Variants in SORCS2 observed in about 807,000 individuals in gnomAD.
SORCS2 encodes the protein VPS10 domain-containing receptor SorCS2.
In SORCS2, 100 loss-of-function variants were observed where a neutral mutation model predicts 141.6. The ratio of observed to expected loss-of-function variants is 0.71; its 90% CI spans 0.60 to 0.83. The LOEUF is 0.83. SORCS2 is among the 40% of genes least tolerant of loss of function. The pLI is 0.00. For synonymous variants in SORCS2, 789 were observed against 676.9 expected, an observed-to-expected ratio of 1.17 and a Z score of -2.57; for missense variants, 1,646 against 1,560.2, an observed-to-expected ratio of 1.05 and a Z score of -0.93.
intron 3 of SORCS2, among the ~76,000 whole-genome samples, chr4:7,559,085 C>T (rs1714342292): frequency 6.6e-6 from 1 of 152,214 alleles, no homozygotes; most frequent in South Asian, 2.1e-4. Flanking sequence ...GTCCCCAGTA[C>T]TCTGGCCCAG....
chr4:7,447,712 C>T (rs1433100805), intron 2 of SORCS2, among the ~76,000 whole-genome samples: 4 of 152,146 alleles, frequency 2.6e-5, no homozygotes, highest in African/African-American at 9.7e-5. Context: ...CGGGGCAGGA[C>T]CCCGAGGAGG....
intron 1 of SORCS2, among the ~76,000 whole-genome samples, chr4:7,383,012 A>T (rs997089601): frequency 6.6e-6 from 1 of 152,152 alleles, no homozygotes; most frequent in Non-Finnish European, 1.5e-5. Context: ...GCCATAAAAT[A>T]CACCTTCTGA....
intron 1 of SORCS2, among the ~76,000 whole-genome samples, chr4:7,252,504 T>C (rs1399542802): frequency 6.6e-6 from 1 of 152,272 alleles, no homozygotes; most frequent in Non-Finnish European, 1.5e-5. Context: ...TCATTGAACA[T>C]GTGTTACTTT....
chr4:7,212,380 A>G (rs1320977259), intron 1 of SORCS2, among the ~76,000 whole-genome samples: 1 of 152,198 alleles, frequency 6.6e-6, no homozygotes, highest in Non-Finnish European at 1.5e-5. Context: ...GTTAAGCAGG[A>G]CTTTGGTGGC....
intron 4 of SORCS2, among the ~76,000 whole-genome samples, chr4:7,641,894 A>ATGGGGATGGATGGG: frequency 7.1e-6 from 1 of 141,306 alleles, no homozygotes; most frequent in South Asian, 2.3e-4. Context: ...GGATGGATGG[A>ATGGGGATGGATGGG]TGGGTGGTTG....
At chr4:7,499,688 C>T (rs1014539503) in intron 2 of SORCS2, among the ~76,000 whole-genome samples, 2 of 140,128 alleles carry the variant, frequency 1.4e-5, no homozygotes, top group African/African-American at 6.5e-5. Context: ...CTGAGCCATG[C>T]CCCGGGAGAC....
intron 11 of SORCS2, among the ~76,000 whole-genome samples, chr4:7,694,305 C>G (rs1724456029): frequency 1.3e-5 from 2 of 152,100 alleles, no homozygotes; most frequent in South Asian, 4.2e-4. Flanking sequence ...CCCTCATCAC[C>G]TCCCTCCACC....
At chr4:7,721,531 A>G (rs1726591848) in intron 18 of SORCS2, among the ~76,000 whole-genome samples, 1 of 152,202 alleles carries the variant, frequency 6.6e-6, no homozygotes, top group Non-Finnish European at 1.5e-5. Flanking sequence ...TGCCGAGTGA[A>G]AAAAGCCACT....
At chr4:7,683,281 CGGCTCTGCTGACCTTGGCTGGGCTCAGCT>C (rs1723653858) in intron 10 of SORCS2, among the ~76,000 whole-genome samples, 6 of 69,042 alleles carry the variant, frequency 8.7e-5, no homozygotes, top group Non-Finnish European at 1.6e-4. Flanking sequence ...CTCAGCTGAG[CGGCTCTGCTGACCTTGGCTGGGCTCAGCT>C]GAGTGGCTCT....
chr4:7,576,661 G>C (rs1715772038), intron 3 of SORCS2, among the ~76,000 whole-genome samples: 1 of 152,218 alleles, frequency 6.6e-6, no homozygotes. Flanking sequence ...AGGTGTGGAC[G>C]TGGAGAGGTG....
At position 7,733,323 on chromosome 4, in the gene SORCS2, G is replaced by A. The variant is rs1336020468; in HGVS notation, c.3110G>A (p.Arg1037Lys). ...TRKRSLSSDK[R>K]LAAIQQVLNA... ...TCACTGTCCCCTCTGTGCTTGCAGA[G>A]GCTCGCCGCCATCCAGCAGGTGCTG... Residue 1037 changes from arginine to lysine, a missense_variant and splice_region_variant, in exon 24 of 27, where the codon AGG becomes AAG. Transcript: ENST00000507866. The A allele has an allele frequency of 1.9e-6, 3 of 1,550,214 alleles. No homozygotes were observed. Among genetic ancestry groups the A allele is most frequent in the Middle Eastern group, 3.4e-4 (2 of 5,936 alleles).
intron 6 of SORCS2, among the ~76,000 whole-genome samples, chr4:7,662,727 A>G (rs1046330862): frequency 2.0e-5 from 3 of 152,208 alleles, no homozygotes; most frequent in African/African-American, 7.2e-5. Flanking sequence ...CACTGTCCAC[A>G]GCTCTTTTCA....
intron 2 of SORCS2, 101 bp downstream of exon 2, chr4:7,396,456 C>A: frequency 8.0e-7 from 1 of 1,244,500 alleles, no homozygotes; most frequent in Non-Finnish European, 1.1e-6. Flanking sequence ...CTGTGGCAGC[C>A]CCTGTGAGTC....
chr4:7,537,512 G>A (rs573481844), intron 3 of SORCS2, among the ~76,000 whole-genome samples: 133 of 152,188 alleles, frequency 8.7e-4, no homozygotes, highest in African/African-American at 3.0e-3. Context: ...TGTGTGCTTG[G>A]TGCTAGAGAG....
Position 7,661,653 on chromosome 4 carries a change from C to A in SORCS2, c.952+89C>A, listed in dbSNP as rs974861674. 6 of 1,242,228 alleles carry A rather than the reference C, an allele frequency of 4.8e-6. No individual in the cohort carries two copies. In the Admixed American group the frequency reaches 8.4e-5, roughly 17 times the overall value. 77.0% of individuals were successfully genotyped at this position (1,242,228 alleles called of 1,614,324 possible). A position where few individuals can be genotyped will look rare whatever the true frequency, so the allele number is the denominator to read the frequency against. On this transcript the variant is annotated intron_variant, in intron 6 of 26. Transcript: ENST00000507866. ...CTGCACGTGTGTTCAGTCGCTTGTC[C>A]GCAATGGCTGGCCCTACACAGCCGG... is the stretch of plus-strand genomic sequence containing the variant.
At chr4:7,611,515 G>A (rs972529446) in intron 3 of SORCS2, among the ~76,000 whole-genome samples, 1 of 152,194 alleles carries the variant, frequency 6.6e-6, no homozygotes, top group Non-Finnish European at 1.5e-5. Flanking sequence ...CATTGTTCAT[G>A]TCTTCATGTG....
intron 19 of SORCS2, 84 bp from the exon 20 acceptor site, chr4:7,725,070 G>T (rs1463648756): frequency 1.4e-6 from 2 of 1,455,510 alleles, no homozygotes; most frequent in Non-Finnish European, 1.9e-6. Flanking sequence ...CAATGAAGTT[G>T]CTGGTGACAG....
At chr4:7,501,170 C>T (rs995642261) in intron 2 of SORCS2, among the ~76,000 whole-genome samples, 1 of 152,216 alleles carries the variant, frequency 6.6e-6, no homozygotes, top group Admixed American at 6.5e-5. Flanking sequence ...CCTGTTTGGA[C>T]ACTGTCCCCA....
intron 2 of SORCS2, among the ~76,000 whole-genome samples, chr4:7,479,920 C>T (rs1275565944): frequency 6.6e-6 from 1 of 152,254 alleles, no homozygotes; most frequent in Non-Finnish European, 1.5e-5. Context: ...AGAGGCAGCC[C>T]TGTCCTCCGG....
Sources: allele counts gnomAD v4.1 joint callset (sites outside exome capture counted in the v4.1 genomes callset), GRCh38; gene constraint gnomAD v4.1.1; transcripts MANE v1.5; gene names NCBI Gene and HGNC (gene_info 2026-07-23, HGNC 2026-07-21).